RGPD1: variants seen among roughly 807,000 people sequenced by gnomAD.
RGPD1 encodes RANBP2-like and GRIP domain-containing protein 1.
In RGPD1, 7 loss-of-function variants were observed where a neutral mutation model predicts 40.6. The ratio of observed to expected loss-of-function variants is 0.17; its 90% confidence interval spans 0.10 to 0.32. RGPD1 has a LOEUF of 0.32. RGPD1 is among the 10% of genes least tolerant of loss of function. RGPD1 has a pLI of 1.00. For synonymous variants in RGPD1, 24 were observed against 167.0 expected, an observed-to-expected ratio of 0.14 and a Z score of 6.60; for missense variants, 50 against 472.5, an observed-to-expected ratio of 0.11 and a Z score of 8.29.
intron 1 of RGPD1, among the ~76,000 whole-genome samples, chr2:86,925,554 C>T (rs1470358470): frequency 2.0e-5 from 3 of 152,184 alleles, no homozygotes; most frequent in African/African-American, 7.2e-5. Flanking sequence ...AGGCATGAGC[C>T]ACTGTGCCCA....
At chr2:86,914,466 C>G (rs1244348904) in intron 1 of RGPD1, among the ~76,000 whole-genome samples, 1 of 15,034 alleles carries the variant, frequency 6.7e-5, no homozygotes, top group Admixed American at 4.9e-4. Context: ...GCGGCGGCGG[C>G]GGCGGCGGCC....
intron 1 of RGPD1, among the ~76,000 whole-genome samples, chr2:86,923,177 T>TA (rs1463819978): frequency 6.7e-6 from 1 of 148,800 alleles, no homozygotes; most frequent in East Asian, 2.0e-4. Flanking sequence ...TAGCTGGGAT[T>TA]ACAGGCGCCC....
chr2:86,928,657 AGAAT>A (rs1288848376), intron 1 of RGPD1, among the ~76,000 whole-genome samples: 1 of 152,252 alleles, frequency 6.6e-6, no homozygotes, highest in Non-Finnish European at 1.5e-5. Context: ...ATGGGAGAAT[AGAAT>A]GAACCAAAGC....
At chr2:86,944,188 A>G (rs1364795607) in intron 1 of RGPD1, among the ~76,000 whole-genome samples, 3 of 152,188 alleles carry the variant, frequency 2.0e-5, no homozygotes, top group Non-Finnish European at 4.4e-5. Context: ...TGAAATAGGT[A>G]GTGCAGCAGA....
intron 4 of RGPD1, among the ~76,000 whole-genome samples, chr2:86,956,684 G>C (rs1442239145): frequency 3.0e-5 from 4 of 132,618 alleles, no homozygotes; most frequent in Non-Finnish European, 6.2e-5. Flanking sequence ...GAGGAAAAGA[G>C]GGAATTAGTT....
intron 1 of RGPD1, among the ~76,000 whole-genome samples, chr2:86,936,903 A>G (rs1679392602): frequency 7.3e-6 from 1 of 137,670 alleles, no homozygotes; most frequent in Non-Finnish European, 1.6e-5. Context: ...CTTAACAAAG[A>G]GGTCTGAGAC....
intron 1 of RGPD1, among the ~76,000 whole-genome samples, chr2:86,914,693 CGGCGGCGGCGGCGGCCTCGACCTGGCCG>C (rs1677688723): frequency 6.7e-5 from 2 of 29,794 alleles, no homozygotes; most frequent in Admixed American, 2.9e-4. Context: ...GCGGCGGCGG[CGGCGGCGGCGGCGGCCTCGACCTGGCCG>C]GGCGGCGGCG....
chr2:86,942,615 C>T (rs1221230001), intron 1 of RGPD1, among the ~76,000 whole-genome samples: 1 of 133,296 alleles, frequency 7.5e-6, no homozygotes, highest in Non-Finnish European at 1.6e-5. Flanking sequence ...ACGGGCGCTG[C>T]TCCCTGGCGC....
upstream of RGPD1, among the ~76,000 whole-genome samples, chr2:86,939,307 G>T (rs1177086343): frequency 3.4e-5 from 5 of 146,882 alleles, no homozygotes; most frequent in South Asian, 8.5e-4. Context: ...TGGGCACGGT[G>T]GATGCCGGGC....
At chr2:86,933,356 A>G (rs868427033) in intron 1 of RGPD1, among the ~76,000 whole-genome samples, 3 of 146,450 alleles carry the variant, frequency 2.0e-5, no homozygotes, top group African/African-American at 7.3e-5. Flanking sequence ...ACAACTAAAA[A>G]TTAAATATAG....
intron 1 of RGPD1, among the ~76,000 whole-genome samples, chr2:86,947,897 GT>G (rs1173771415): frequency 1.8e-5 from 2 of 110,278 alleles, no homozygotes; most frequent in African/African-American, 6.7e-5. Flanking sequence ...TCATTTGACT[GT>G]GCAAGATGGG....
intron 1 of RGPD1, among the ~76,000 whole-genome samples, chr2:86,923,331 C>T (rs1678178024): frequency 6.6e-6 from 1 of 151,558 alleles, no homozygotes. Flanking sequence ...TGAGCCACTG[C>T]ACCTGGCCTC....
intron 1 of RGPD1, among the ~76,000 whole-genome samples, chr2:86,929,334 G>A (rs1193507049): frequency 6.6e-6 from 1 of 151,404 alleles, no homozygotes; most frequent in South Asian, 2.1e-4. Flanking sequence ...CAGAGCGGCC[G>A]GAGAACTCTG....
At chr2:86,920,068 TTTC>T (rs1359122690) in intron 1 of RGPD1, among the ~76,000 whole-genome samples, 1 of 152,110 alleles carries the variant, frequency 6.6e-6, no homozygotes, top group Non-Finnish European at 1.5e-5. Context: ...ACAATTTTCT[TTTC>T]TTTTCTTTCC....
chr2:86,939,761 G>T (rs1425422479), upstream of RGPD1, among the ~76,000 whole-genome samples: 943 of 106,818 alleles, frequency 8.8e-3, 18 homozygotes, highest in Non-Finnish European at 0.014. Flanking sequence ...TTGAGACAGG[G>T]TCTTTCTCTG....
chr2:86,913,837 G>C (rs761458466), exon 1 of RGPD1: 7 of 1,571,794 alleles, frequency 4.5e-6, no homozygotes, highest in Non-Finnish European at 6.0e-6. Context: ...TCGGGAGCCA[G>C]GTTGGCGGTG....
chr2:86,942,087 ATACACAGTGCTGACGCAG>A, upstream of RGPD1: 2 of 1,121,982 alleles, frequency 1.8e-6, no homozygotes, highest in Non-Finnish European at 2.5e-6. Flanking sequence ...GTCGCCAAGG[ATACACAGTGCTGACGCAG>A]TACACAAGTG....
chr2:86,924,082 AT>A (rs879715805), intron 1 of RGPD1, among the ~76,000 whole-genome samples: 20,818 of 66,674 alleles, frequency 0.31, 3,303 homozygotes, highest in East Asian at 0.39. Flanking sequence ...GGCTATTTCC[AT>A]TTTTTTTTTT....
intron 4 of RGPD1, among the ~76,000 whole-genome samples, chr2:86,954,772 T>A (rs1374466298): frequency 6.6e-6 from 1 of 150,538 alleles, no homozygotes; most frequent in East Asian, 2.0e-4. Context: ...GTATGTATAG[T>A]TTTCTTTCAT....
Sources: gnomAD v4.1 joint callset for allele counts (sites outside exome capture counted in the v4.1 genomes callset) on GRCh38, gnomAD v4.1.1 for gene constraint, MANE v1.5 for transcripts, NCBI Gene and HGNC (gene_info 2026-07-23, HGNC 2026-07-21) for gene names.